Variants in STRN4 observed in about 807,000 individuals in gnomAD.
STRN4 encodes the protein striatin 4, also known as striatin-4.
STRN4 carries 27 observed loss-of-function variants against 77.9 expected under a neutral mutation model. The observed-to-expected ratio is 0.35, with a 90% CI of 0.26 to 0.48. The LOEUF (loss-of-function observed/expected upper bound fraction) is 0.48. Among genes scored for constraint, STRN4 ranks in the 20% least tolerant of loss-of-function variants. The pLI is 0.99. For missense variants in STRN4, 798 were observed against 1,049.7 expected (o/e 0.76, Z 3.31); for synonymous variants, 466 against 443.1 (o/e 1.05, Z -0.65).
At chr19:46,722,605 C>T (rs557309466) in intron 14 of STRN4, among the ~76,000 whole-genome samples, 16 of 152,346 alleles carry the variant, frequency 1.1e-4, no homozygotes, top group African/African-American at 3.6e-4. Flanking sequence ...GCGGCCCTGA[C>T]GCGCTCTCCC....
rs941640318 is a variant in STRN4, at chr19:46,719,686, C to T, written c.*719G>A. 6.6e-6 allele frequency: 1 copy of T among 151,892 alleles called. No individual in the cohort carries two copies. Among genetic ancestry groups the T allele is most frequent in the African/African-American group, 2.4e-5 (1 of 41,268 alleles). 9.4% of individuals were successfully genotyped at this position (151,892 alleles called of 1,614,324 possible). ...GGGAGGAGACTGACTGAGACCATCACACAGTGATAATGCGGGTGGGGCGGC... is the reference window on the plus strand; with the variant it reads ...GGGAGGAGACTGACTGAGACCATCATACAGTGATAATGCGGGTGGGGCGGC... On this transcript the variant is annotated 3_prime_UTR_variant, in exon 18 of 18. Coordinates refer to ENST00000263280, the MANE Select transcript of STRN4 (RefSeq NM_013403.3).
At chr19:46,740,302 A>G (rs1341752921) in intron 1 of STRN4, 2 of 152,174 alleles carry the variant, frequency 1.3e-5, no homozygotes, top group Non-Finnish European at 2.9e-5. Context: ...AAAAAAAAGA[A>G]ATACATGTCA....
intron 7 of STRN4, 24 bp downstream of exon 7, chr19:46,728,594 G>C: frequency 6.2e-7 from 1 of 1,605,534 alleles, no homozygotes; most frequent in Non-Finnish European, 8.5e-7. Context: ...GCAAGCGGGG[G>C]CTGGCCAGAA....
chr19:46,743,621 C>T (rs1291473424), intron 1 of STRN4, among the ~76,000 whole-genome samples: 8 of 152,092 alleles, frequency 5.3e-5, no homozygotes, highest in South Asian at 2.1e-4. Flanking sequence ...TACCGACGGT[C>T]GGGCATGGTG....
Position 46,736,876 on chromosome 19 carries a change from G to T in STRN4, c.486C>A (p.Val162=). Residue 162 remains valine (V), a synonymous_variant, in exon 4 of 18, where the codon GTC becomes GTA. Coordinates refer to ENST00000263280, the MANE Select transcript of STRN4 (RefSeq NM_013403.3). Reference sequence around the variant, plus strand: ...ACACCAACGGGCTGTTCTCCAGGGTGACCGATTCCACGGGGCCATTGGAGA... The same window carrying T: ...ACACCAACGGGCTGTTCTCCAGGGTTACCGATTCCACGGGGCCATTGGAGA... ...EQVSNGPVES[V]TLENSPLVWK... 6.2e-7 allele frequency: 1 copy of T among 1,613,044 alleles called. No individual in the cohort carries two copies. Among genetic ancestry groups the T allele is most frequent in the Non-Finnish European group, 8.5e-7 (1 of 1,179,482 alleles).
chr19:46,738,660 G>A lies in STRN4; in HGVS notation c.386+125C>T. 1 of 902,398 alleles carries A rather than the reference G, an allele frequency of 1.1e-6. No individual in the cohort carries two copies. The highest frequency in any genetic ancestry group is 1.8e-6 in the Non-Finnish European group (1 of 555,358). 55.9% of individuals were successfully genotyped at this position (902,398 alleles called of 1,614,324 possible). A position where few individuals can be genotyped will look rare whatever the true frequency, so the allele number is the denominator to read the frequency against. ...TTCTCCCCTAGAATCTTATGGTACT[G>A]GAATGATGGAAAAGAATGTCGACCC... On this transcript the variant is annotated intron_variant, in intron 2 of 17. Coordinates refer to ENST00000263280, the MANE Select transcript of STRN4 (RefSeq NM_013403.3). This position sits in a 1 kb window ranked among gnomAD's most constrained non-coding sequence, Gnocchi z 4.5.
At chr19:46,728,201 C>A in intron 7 of STRN4, 194 bp from the exon 8 acceptor site, 2 of 699,530 alleles carry the variant, frequency 2.9e-6, no homozygotes, top group Non-Finnish European at 2.6e-6. Context: ...CAGGTCACTG[C>A]CTTGCCTAGG....
rs997183022 is a variant in STRN4 at position 46,741,034 on chromosome 19, G to C, written c.283-2146C>G. Among the ~76,000 whole-genome samples, 2 of 152,174 alleles carry C rather than the reference G, an allele frequency of 1.3e-5. No homozygotes were observed. The highest frequency in any genetic ancestry group is 2.9e-5 in the Non-Finnish European group (2 of 68,034). On this transcript the variant is annotated intron_variant, in intron 1 of 17. Transcript: ENST00000263280. This position sits in a 1 kb window ranked among gnomAD's most constrained non-coding sequence, Gnocchi z 4.9. Reference sequence around the variant, plus strand: ...AAAAGGCTCAGTGAAGCCATGGAAGGGTTTTAAGTACAGAGAGGTAACCGA... The same window carrying C: ...AAAAGGCTCAGTGAAGCCATGGAAGCGTTTTAAGTACAGAGAGGTAACCGA...
chr19:46,737,584 G>A (rs939822919), intron 3 of STRN4, among the ~76,000 whole-genome samples: 1 of 139,474 alleles, frequency 7.2e-6, no homozygotes, highest in Non-Finnish European at 1.5e-5. Context: ...CAGGCACACT[G>A]ACCGACTCCC....
intron 11 of STRN4, 107 bp downstream of exon 11, chr19:46,725,225 C>A: frequency 6.7e-7 from 1 of 1,498,872 alleles, no homozygotes; most frequent in Non-Finnish European, 9.2e-7. Flanking sequence ...TCAGAGCCCC[C>A]TGCTGTCCTG....
At chr19:46,725,403 A>C in intron 10 of STRN4, 24 bp from the exon 11 acceptor site, 1 of 1,613,988 alleles carries the variant, frequency 6.2e-7, no homozygotes, top group Non-Finnish European at 8.5e-7. Flanking sequence ...GAGGAGCCTG[A>C]TGTCACTGAG....
intron 9 of STRN4, chr19:46,725,935 C>T (rs1488088737): frequency 4.5e-6 from 2 of 445,424 alleles, no homozygotes; most frequent in Admixed American, 7.3e-5. Context: ...CACAACTGGA[C>T]CATCCCACAA....
Position 46,738,371 on chromosome 19 carries a change from TC to T in STRN4, c.387-135del. 4.6e-6 allele frequency: 4 copies of T among 871,242 alleles called. No individual in the cohort carries two copies. Among genetic ancestry groups the T allele is most frequent in the Non-Finnish European group, 7.4e-6 (4 of 538,158 alleles). 54.0% of individuals were successfully genotyped at this position (871,242 alleles called of 1,614,324 possible). A position where few individuals can be genotyped will look rare whatever the true frequency, so the allele number is the denominator to read the frequency against. On this transcript the variant is annotated intron_variant, in intron 2 of 17. Transcript: ENST00000263280. This position sits in a 1 kb window ranked among gnomAD's most constrained non-coding sequence, Gnocchi z 4.5. ...CTCGTCTACTACTGAGGCTGAAGCATCCCCCCACACCCCTGGCCTGGTGGAA... is the reference window on the plus strand; with the variant it reads ...CTCGTCTACTACTGAGGCTGAAGCATCCCCCACACCCCTGGCCTGGTGGAA...
Position 46,746,171 on chromosome 19 carries a change from T to A in STRN4, c.260A>T (p.Glu87Val). 6.5e-7 allele frequency: 1 copy of A among 1,532,662 alleles called. No homozygotes were observed. The highest frequency in any genetic ancestry group is 2.7e-5 in the East Asian group (1 of 36,798). The allele number at this position is 1,532,662 out of a possible 1,614,324, so 94.9% of individuals were successfully genotyped here. Reference protein sequence around the residue: ...ARFEAEKARWEAERAELQAQV... With the variant: ...ARFEAEKARWVAERAELQAQV... ...CACCTGTAACTCGGCGCGCTCGGCCTCCCAGCGGGCTTTCTCGGCTTCGAA... is the reference window on the plus strand; with the variant it reads ...CACCTGTAACTCGGCGCGCTCGGCCACCCAGCGGGCTTTCTCGGCTTCGAA... Residue 87 changes from glutamate to valine, a missense_variant, in exon 1 of 18, where the codon GAG becomes GTG. This residue lies in a region of STRN4 where 511 missense variants were observed against 575.9 expected (regional missense o/e 0.89). Transcript: ENST00000263280.
At chr19:46,744,475 C>T (rs1247433240) in intron 1 of STRN4, among the ~76,000 whole-genome samples, 3 of 152,080 alleles carry the variant, frequency 2.0e-5, no homozygotes, top group South Asian at 2.1e-4. Context: ...CCTCAACCTC[C>T]GGGGTTTAAG....
chr19:46,737,799 T>C (rs1336392258), intron 3 of STRN4, among the ~76,000 whole-genome samples: 1 of 152,184 alleles, frequency 6.6e-6, no homozygotes, highest in Non-Finnish European at 1.5e-5. Flanking sequence ...GATGAACGAT[T>C]GAACGGCAAC....
chr19:46,727,881 G>A lies in STRN4; in HGVS notation c.1153+13C>T, dbSNP rs990535582. On this transcript the variant is annotated intron_variant, in intron 8 of 17. Transcript: ENST00000263280. ...GCCCGCAGGACTGGGACCAGGTGGGGGGTGCCTCTTACCTTCATGTGGCCG... is the reference window on the plus strand; with the variant it reads ...GCCCGCAGGACTGGGACCAGGTGGGAGGTGCCTCTTACCTTCATGTGGCCG... 2 of 1,584,612 alleles carry A rather than the reference G, an allele frequency of 1.3e-6. No individual in the cohort carries two copies. The highest frequency in any genetic ancestry group is 8.6e-7 in the Non-Finnish European group (1 of 1,161,842).
intron 1 of STRN4, among the ~76,000 whole-genome samples, chr19:46,739,102 C>A (rs1336236880): frequency 1.3e-5 from 2 of 152,234 alleles, no homozygotes; most frequent in Admixed American, 1.3e-4. Flanking sequence ...ACGTCACCCA[C>A]AACGAGGGCC....
At chr19:46,742,840 C>T (rs901685984) in intron 1 of STRN4, among the ~76,000 whole-genome samples, 3 of 152,238 alleles carry the variant, frequency 2.0e-5, no homozygotes, top group South Asian at 2.1e-4. Context: ...GGATTACAGG[C>T]GCGAGCCACC....
Sources: gnomAD v4.1 joint callset for allele counts (sites outside exome capture counted in the v4.1 genomes callset) on GRCh38, gnomAD v4.1.1 for gene constraint, gnomAD v4.1.1 regional missense constraint, Gnocchi (gnomAD v3.1) non-coding constraint, MANE v1.5 for transcripts, NCBI Gene and HGNC (gene_info 2026-07-23, HGNC 2026-07-21) for gene names.